The following EPC2 variants were observed in gnomAD, a reference collection of about 807,000 sequenced individuals.
The protein encoded by EPC2 is enhancer of polycomb 2, also known as enhancer of polycomb homolog 2.
In EPC2, 14 loss-of-function variants were observed where a neutral mutation model predicts 92.1. The ratio of observed to expected loss-of-function variants is 0.15; its 90% CI spans 0.10 to 0.24. The LOEUF (loss-of-function observed/expected upper bound fraction) is 0.24. Among genes scored for constraint, EPC2 ranks in the 10% least tolerant of loss-of-function variants. EPC2 has a pLI of 1.00. For missense variants in EPC2, 755 were observed against 971.5 expected, an observed-to-expected ratio of 0.78 and a Z score of 2.96; for synonymous variants, 340 against 334.7, an observed-to-expected ratio of 1.02 and a Z score of -0.17.
At chr2:148,774,832 A>T (rs945805465) in intron 10 of EPC2, among the ~76,000 whole-genome samples, 1 of 151,788 alleles carries the variant, frequency 6.6e-6, no homozygotes, top group African/African-American at 2.4e-5. Flanking sequence ...TCACGCCTGT[A>T]ATCCCAGCAC....
chr2:148,679,327 A>T (rs1681342286), intron 1 of EPC2, among the ~76,000 whole-genome samples: 1 of 152,210 alleles, frequency 6.6e-6, no homozygotes, highest in South Asian at 2.1e-4. Context: ...TTGTAAAATG[A>T]TGCCATAACT....
intron 1 of EPC2, among the ~76,000 whole-genome samples, chr2:148,656,031 G>T (rs1337514171): frequency 5.4e-4 from 73 of 134,388 alleles, no homozygotes; most frequent in East Asian, 9.4e-4. Flanking sequence ...GTGTGGGGGG[G>T]GGGGGGGTTA....
chr2:148,679,829 A>G (rs982172881), intron 1 of EPC2, among the ~76,000 whole-genome samples: 4 of 152,140 alleles, frequency 2.6e-5, no homozygotes, highest in Non-Finnish European at 5.9e-5. Context: ...TTTTTTTAAT[A>G]GAGAATCATA....
At chr2:148,755,427 C>T (rs1200796527) in intron 4 of EPC2, among the ~76,000 whole-genome samples, 2 of 151,720 alleles carry the variant, frequency 1.3e-5, no homozygotes, top group African/African-American at 2.4e-5. Context: ...AGTATACAGG[C>T]GTGAGAAGTA....
chr2:148,656,543 A>G (rs1221239395), intron 1 of EPC2, among the ~76,000 whole-genome samples: 3 of 152,210 alleles, frequency 2.0e-5, no homozygotes, highest in Admixed American at 1.3e-4. Context: ...CAGATATTTC[A>G]TATGGACTGC....
intron 2 of EPC2, among the ~76,000 whole-genome samples, chr2:148,726,765 G>GTTTTTTTTTTTTTTTTTTTTTTTTTTT (rs201293391): frequency 9.9e-6 from 1 of 100,600 alleles, no homozygotes; most frequent in Non-Finnish European, 2.0e-5. Context: ...TTTGTTTTTT[G>GTTTTTTTTTTTTTTTTTTTTTTTTTTT]TTTTTTTTTT....
intron 2 of EPC2, among the ~76,000 whole-genome samples, chr2:148,742,459 A>G (rs1421514374): frequency 6.8e-6 from 1 of 147,136 alleles, no homozygotes; most frequent in Non-Finnish European, 1.5e-5. Flanking sequence ...AGTCATTGAC[A>G]TTTATTCTTG....
At chr2:148,753,787 T>C in intron 3 of EPC2, 140 bp from the exon 4 acceptor site, 4 of 634,258 alleles carry the variant, frequency 6.3e-6, no homozygotes, top group Non-Finnish European at 1.1e-5. Flanking sequence ...TTAGGTTGAA[T>C]TGAATTGTGT....
chr2:148,783,725 C>G lies in EPC2; in HGVS notation c.1986C>G (p.His662Gln). The G allele has an allele frequency of 1.3e-6, 2 of 1,592,624 alleles. No homozygotes were observed. The highest frequency in any genetic ancestry group is 2.3e-5 in the South Asian group (2 of 87,408). The part of the protein sequence containing the change: ...SEVAKEQNTG[H>Q]NNINGVVQPS... ...TAGCCAAGGAACAGAACACTGGCCA[C>G]AACAACATAAACGGTGTTGTCCAGC... The change falls in exon 12 of 14, where the codon CAC becomes CAG. Residue 662 changes from histidine (H) to glutamine (Q), a missense_variant. Around this residue, in one of 4 missense-constraint regions of EPC2, gnomAD observed 207 missense variants for 260.5 expected, o/e 0.79. Transcript: ENST00000258484.
intron 2 of EPC2, among the ~76,000 whole-genome samples, chr2:148,717,378 A>C (rs983448545): frequency 1.3e-5 from 2 of 152,090 alleles, no homozygotes; most frequent in African/African-American, 4.8e-5. Flanking sequence ...GTGGGCATTT[A>C]GTGCTATAAA....
chr2:148,759,405 A>G (rs868513253), intron 4 of EPC2, among the ~76,000 whole-genome samples: 17 of 152,196 alleles, frequency 1.1e-4, no homozygotes, highest in African/African-American at 3.4e-4. Context: ...AAAAAGTACT[A>G]TTATAATAAA....
chr2:148,772,317 T>C (rs1225116667), intron 10 of EPC2, among the ~76,000 whole-genome samples: 3 of 152,216 alleles, frequency 2.0e-5, no homozygotes, highest in Non-Finnish European at 4.4e-5. Flanking sequence ...TAGATATCTT[T>C]ATACATTGTA....
intron 2 of EPC2, among the ~76,000 whole-genome samples, chr2:148,725,427 G>C (rs1467660527): frequency 6.6e-6 from 1 of 151,844 alleles, no homozygotes; most frequent in African/African-American, 2.4e-5. Flanking sequence ...AACCCTTTTA[G>C]AGTAAGTTGT....
rs1213051574 is a variant in EPC2, at chr2:148,783,774, C to T, written c.2017+18C>T. 6.3e-7 allele frequency: 1 copy of T among 1,575,876 alleles called. No individual in the cohort carries two copies. Among genetic ancestry groups the T allele is most frequent in the Non-Finnish European group, 8.6e-7 (1 of 1,158,676 alleles). On this transcript the variant is annotated intron_variant, in intron 12 of 13. Transcript: ENST00000258484. Reference sequence around the variant, plus strand: ...GCCTTCAGGTACAGCTGGGGTTTCACATGGTACCTACTTTCTTGAAGTTGT... The same window carrying T: ...GCCTTCAGGTACAGCTGGGGTTTCATATGGTACCTACTTTCTTGAAGTTGT...
chr2:148,771,506 CT>C (rs1463228287), intron 10 of EPC2, 119 bp downstream of exon 10: 1 of 933,842 alleles, frequency 1.1e-6, no homozygotes, highest in African/African-American at 1.7e-5. Context: ...CAAAATTGTT[CT>C]GTTCTGTCTC....
chr2:148,759,687 CTGA>C (rs1327825070), intron 4 of EPC2, among the ~76,000 whole-genome samples: 2 of 151,614 alleles, frequency 1.3e-5, no homozygotes, highest in Non-Finnish European at 2.9e-5. Context: ...AATAGTACTG[CTGA>C]TAATTTATAG....
chr2:148,683,091 T>C (rs1014735647), intron 1 of EPC2, among the ~76,000 whole-genome samples: 4 of 152,022 alleles, frequency 2.6e-5, no homozygotes, highest in Non-Finnish European at 5.9e-5. Flanking sequence ...TTTTTTTTTT[T>C]AATTTCAATA....
chr2:148,740,326 G>C (rs529794357), intron 2 of EPC2, among the ~76,000 whole-genome samples: 1 of 151,722 alleles, frequency 6.6e-6, no homozygotes, highest in African/African-American at 2.4e-5. Flanking sequence ...TGGTAGAGGA[G>C]ATAATAGAAC....
rs1473899536 is a variant in EPC2, at chr2:148,770,883, C to G, written c.1322C>G (p.Thr441Arg). ...LRYRHCLTTLTVPRRCIGFAR... is the reference protein window; with the variant it reads ...LRYRHCLTTLRVPRRCIGFAR... ...TATAGGCATTGCCTTACAACACTTA[C>G]AGTCCCAAGAAGATGTATAGGATTT... Residue 441 changes from threonine (T) to arginine (R), a missense_variant, in exon 9 of 14, where the codon ACA (threonine) becomes AGA (arginine). Around this residue, in one of 4 missense-constraint regions of EPC2, gnomAD observed 509 missense variants for 607.7 expected, o/e 0.84. Transcript: ENST00000258484. 1 of 1,613,612 alleles carries G rather than the reference C, an allele frequency of 6.2e-7. No individual in the cohort carries two copies. The highest frequency in any genetic ancestry group is 8.5e-7 in the Non-Finnish European group (1 of 1,179,820).
Sources: allele counts gnomAD v4.1 joint callset (sites outside exome capture counted in the v4.1 genomes callset), GRCh38; gene constraint gnomAD v4.1.1; regional missense constraint gnomAD v4.1.1; transcripts MANE v1.5; gene names NCBI Gene and HGNC (gene_info 2026-07-23, HGNC 2026-07-21).